CREB3L3: variants seen among roughly 807,000 people sequenced by gnomAD.
The protein encoded by CREB3L3 is cAMP responsive element binding protein 3 like 3.
In CREB3L3, 40 loss-of-function variants were observed where a neutral mutation model predicts 44.6. The observed-to-expected ratio is 0.90, with a 90% CI of 0.70 to 1.17. The LOEUF is 1.17. CREB3L3 is among the 50% of genes most tolerant of loss of function. CREB3L3 has a pLI of 0.00. For synonymous variants in CREB3L3, 273 were observed against 256.3 expected (o/e 1.06, Z -0.62); for missense variants, 578 against 595.8 (o/e 0.97, Z 0.31).
chr19:4,153,961 G>C (rs986025441), intron 1 of CREB3L3, among the ~76,000 whole-genome samples, 187 bp downstream of exon 1: 2 of 152,130 alleles, frequency 1.3e-5, no homozygotes, highest in African/African-American at 4.8e-5. Context: ...TTTCTTCCAG[G>C]TCCCCCTGCC....
intron 4 of CREB3L3, among the ~76,000 whole-genome samples, chr19:4,162,809 T>C (rs1390328753): frequency 2.6e-5 from 4 of 151,912 alleles, no homozygotes; most frequent in Non-Finnish European, 5.9e-5. Context: ...TGAAACCCCA[T>C]CTCTACAAAA....
chr19:4,167,470 G>GA (rs1966938230), intron 5 of CREB3L3, among the ~76,000 whole-genome samples: 1 of 134,788 alleles, frequency 7.4e-6, no homozygotes, highest in Non-Finnish European at 1.5e-5. Context: ...AGGAAAGAAA[G>GA]GAAGAAAAGG....
At position 4,168,016 on chromosome 19, in the gene CREB3L3, G is replaced by T. The variant is rs535005358; in HGVS notation, c.715-335G>T. Among the ~76,000 whole-genome samples the T allele has an allele frequency of 3.2e-4, 31 of 96,738 alleles. 1 individual carries two copies. The East Asian group carries it at 7.6e-3, about 24-fold the overall frequency. 63.5% of individuals were successfully genotyped at this position (96,738 alleles called of 152,430 possible). On this transcript the variant is annotated intron_variant, in intron 5 of 9. Coordinates refer to ENST00000078445, the MANE Select transcript of CREB3L3 (RefSeq NM_032607.3). ...TTATTTATTTATCTATTTATTTATT[G>T]AGATGGAGTTTCGCTCTTGTTGCCC...
chr19:4,158,095 T>G (rs73538188), intron 3 of CREB3L3, among the ~76,000 whole-genome samples: 7,610 of 152,204 alleles, frequency 0.05, 625 homozygotes, highest in African/African-American at 0.17. Flanking sequence ...TGATTAAGCA[T>G]TCCCGGCGGG....
Position 4,171,789 on chromosome 19 carries a change from C to T in CREB3L3, c.1206C>T (p.Asp402=). 1 of 1,613,546 alleles carries T rather than the reference C, an allele frequency of 6.2e-7. No homozygotes were observed. The highest frequency in any genetic ancestry group is 8.5e-7 in the Non-Finnish European group (1 of 1,180,008). ...REESPGSPGA[D]WGFQDTANLT... is the part of the protein sequence containing the mutation. ...AGTCTCCAGGAAGCCCCGGGGCAGA[C>T]TGGGGCTTCCAGGACACCGCGAACC... The change falls in exon 10 of 10, where the codon GAC becomes GAT. Residue 402 remains aspartate (D), a synonymous_variant. Coordinates refer to ENST00000078445, the MANE Select transcript of CREB3L3 (RefSeq NM_032607.3). The surrounding 1 kb of genome is among the most constrained non-coding windows in gnomAD (Gnocchi z 4.9).
chr19:4,165,537 T>G (rs1370184817), intron 5 of CREB3L3, among the ~76,000 whole-genome samples: 1 of 151,854 alleles, frequency 6.6e-6, no homozygotes, highest in Non-Finnish European at 1.5e-5. Flanking sequence ...CTTGATAATG[T>G]TTTTCTGACC....
chr19:4,167,596 A>G (rs1966945659), intron 5 of CREB3L3, among the ~76,000 whole-genome samples: 1 of 152,012 alleles, frequency 6.6e-6, no homozygotes, highest in Non-Finnish European at 1.5e-5. Flanking sequence ...GAAACGTAAG[A>G]AAGAAGAAAA....
chr19:4,156,869 AC>A lies in CREB3L3; in HGVS notation c.157-125del, dbSNP rs112691598. 0.37 allele frequency: 360,093 copies of A among 961,664 alleles called. 71,396 individuals are homozygous for A. Among genetic ancestry groups the A allele is most frequent in the East Asian group, 0.73 (29,029 of 39,998 alleles). The allele number at this position is 961,664 out of a possible 1,614,324, so 59.6% of individuals were successfully genotyped here. A position where few individuals can be genotyped will look rare whatever the true frequency, so the allele number is the denominator to read the frequency against. On this transcript the variant is annotated intron_variant, in intron 2 of 9. Coordinates refer to ENST00000078445, the MANE Select transcript of CREB3L3 (RefSeq NM_032607.3). ...GCAGCCCCGGGAGGAAGAAGCAGTA[AC>A]TCATCTTGGAGAAGGGAAGGACACC...
chr19:4,164,693 C>A, intron 5 of CREB3L3, 53 bp downstream of exon 5: 1 of 1,592,548 alleles, frequency 6.3e-7, no homozygotes, highest in Non-Finnish European at 8.6e-7. Flanking sequence ...CGTGCACTTA[C>A]CTGCATGTGT....
chr19:4,165,396 G>A (rs1599340633), intron 5 of CREB3L3, among the ~76,000 whole-genome samples: 1 of 151,072 alleles, frequency 6.6e-6, no homozygotes, highest in Non-Finnish European at 1.5e-5. Flanking sequence ...GCTGGGCTGG[G>A]ACTCCTGGGT....
At chr19:4,161,241 C>T (rs1322515672) in intron 4 of CREB3L3, among the ~76,000 whole-genome samples, 7 of 151,850 alleles carry the variant, frequency 4.6e-5, no homozygotes, top group African/African-American at 1.7e-4. Flanking sequence ...GGATTACAGG[C>T]GTGAGCCACC....
At chr19:4,170,637 T>C (rs1006816266) in intron 7 of CREB3L3, among the ~76,000 whole-genome samples, 32 of 145,042 alleles carry the variant, frequency 2.2e-4, no homozygotes, top group African/African-American at 4.2e-4. Flanking sequence ...AGGCCTGGTG[T>C]GGTGGCTCAC....
At chr19:4,161,666 C>G (rs1374268638) in intron 4 of CREB3L3, among the ~76,000 whole-genome samples, 2 of 152,138 alleles carry the variant, frequency 1.3e-5, no homozygotes, top group African/African-American at 4.8e-5. Context: ...AAGCCATGAG[C>G]CCTAAGTCAC....
Position 4,172,510 on chromosome 19 carries a change from C to G in CREB3L3, c.*541C>G, listed in dbSNP as rs931592132. 13 of 272,234 alleles carry G rather than the reference C, an allele frequency of 4.8e-5. 1 individual carries two copies. Among genetic ancestry groups the G allele is most frequent in the African/African-American group, 2.6e-4 (11 of 42,048 alleles). The allele number at this position is 272,234 out of a possible 1,614,324, so 16.9% of individuals were successfully genotyped here. A position where few individuals can be genotyped will look rare whatever the true frequency, so the allele number is the denominator to read the frequency against. The stretch of plus-strand genomic sequence containing the variant: ...AGACACAGCCTGAAACAGACCCGGA[C>G]AGACAGACAGACACAGCCTGAAACA... On this transcript the variant is annotated 3_prime_UTR_variant, in exon 10 of 10. Transcript: ENST00000078445.
chr19:4,170,363 A>C (rs1392834816), intron 7 of CREB3L3, among the ~76,000 whole-genome samples, 155 bp downstream of exon 7: 3 of 152,098 alleles, frequency 2.0e-5, no homozygotes, highest in Non-Finnish European at 4.4e-5. Flanking sequence ...TAATCTCAGC[A>C]CTTTGGGAGG....
At chr19:4,162,085 T>C (rs1478894374) in intron 4 of CREB3L3, among the ~76,000 whole-genome samples, 1 of 152,150 alleles carries the variant, frequency 6.6e-6, no homozygotes, top group South Asian at 2.1e-4. Flanking sequence ...CGGCTCACTG[T>C]AGCCTCCACC....
intron 4 of CREB3L3, among the ~76,000 whole-genome samples, chr19:4,163,409 G>A (rs1239279285): frequency 7.3e-5 from 11 of 151,328 alleles, no homozygotes; most frequent in Non-Finnish European, 1.0e-4. Context: ...GCCATTTTGC[G>A]CGTGTGTGAG....
At position 4,171,010 on chromosome 19, in the gene CREB3L3, G is replaced by C; in HGVS notation, c.891-81G>C. 1 of 1,017,870 alleles carries C rather than the reference G, an allele frequency of 9.8e-7. No individual in the cohort carries two copies. The highest frequency in any genetic ancestry group is 1.6e-5 in the African/African-American group (1 of 63,616). The allele number at this position is 1,017,870 out of a possible 1,614,324, so 63.1% of individuals were successfully genotyped here. On this transcript the variant is annotated intron_variant, in intron 7 of 9. Coordinates refer to ENST00000078445, the MANE Select transcript of CREB3L3 (RefSeq NM_032607.3). The surrounding 1 kb of genome is among the most constrained non-coding windows in gnomAD (Gnocchi z 4.9). ...AATGGATGGAATTTGGACTTTAGCG[G>C]GGCTGGGGGACCCCGGAAATGGACG...
Position 4,154,984 on chromosome 19 carries a change from G to T in CREB3L3, c.113G>T (p.Arg38Ile). The change falls in exon 2 of 10, where the codon AGA becomes ATA. Residue 38 changes from arginine to isoleucine, a missense_variant. Coordinates refer to ENST00000078445, the MANE Select transcript of CREB3L3 (RefSeq NM_032607.3). ...LLFDRQDGILRHVELGEGWGH... is the reference protein window; with the variant it reads ...LLFDRQDGILIHVELGEGWGH... ...TTTGACCGGCAGGACGGCATCCTGA[G>T]ACACGTGGAGCTGGGCGAGGGCTGG... 1 of 1,612,506 alleles carries T rather than the reference G, an allele frequency of 6.2e-7. No homozygotes were observed.
Sources: allele counts gnomAD v4.1 joint callset (sites outside exome capture counted in the v4.1 genomes callset), GRCh38; gene constraint gnomAD v4.1.1; non-coding constraint Gnocchi (gnomAD v3.1); transcripts MANE v1.5; gene names NCBI Gene and HGNC (gene_info 2026-07-23, HGNC 2026-07-21).